The following STARD13 variants were observed in gnomAD, a reference collection of about 807,000 sequenced individuals.
STARD13 encodes the protein StAR related lipid transfer domain containing 13, also known as stAR-related lipid transfer protein 13.
Under a neutral mutation model 106.4 loss-of-function variants are expected in STARD13, and 62 were observed. The observed-to-expected ratio is 0.58, with a 90% CI of 0.48 to 0.72. The LOEUF (loss-of-function observed/expected upper bound fraction) is 0.72, where lower values mean the gene tolerates loss of function less well. Among genes scored for constraint, STARD13 ranks in the 30% least tolerant of loss-of-function variants. The pLI, the probability that STARD13 is intolerant of heterozygous loss-of-function variation, is 0.00. For synonymous variants in STARD13, 565 were observed against 553.0 expected (o/e 1.02, Z -0.31); for missense variants, 1,387 against 1,424.0 (o/e 0.97, Z 0.42).
At chr13:33,597,188 G>A in the STARD13 span, among the ~76,000 whole-genome samples, 1 of 152,028 alleles carries the variant, frequency 6.6e-6, no homozygotes, top group Non-Finnish European at 1.5e-5. Context: ...CTGCATCCTT[G>A]TCAGCATTTC....
intron 1 of STARD13, among the ~76,000 whole-genome samples, chr13:33,219,713 G>A (rs1474878055): frequency 1.3e-5 from 2 of 149,578 alleles, no homozygotes; most frequent in African/African-American, 4.9e-5. Flanking sequence ...GCCAAGGCAG[G>A]AGGATCTTGA....
the STARD13 span, among the ~76,000 whole-genome samples, chr13:33,447,624 A>C: frequency 1.3e-5 from 2 of 152,226 alleles, no homozygotes; most frequent in African/African-American, 4.8e-5. Flanking sequence ...AACATATGTC[A>C]TATGACTTTT....
the STARD13 span, among the ~76,000 whole-genome samples, chr13:33,489,951 A>G: frequency 1.3e-5 from 2 of 152,226 alleles, no homozygotes; most frequent in African/African-American, 4.8e-5. Flanking sequence ...GAAAAAAATC[A>G]AATGGATCGA....
the STARD13 span, among the ~76,000 whole-genome samples, chr13:33,385,850 CAA>C: frequency 2.0e-5 from 1 of 49,500 alleles, no homozygotes; most frequent in Non-Finnish European, 4.7e-5. Context: ...GACTCTGTCT[CAA>C]AAAAAAAAAA....
the STARD13 span, among the ~76,000 whole-genome samples, chr13:33,564,931 T>A: frequency 7.2e-6 from 1 of 138,366 alleles, no homozygotes; most frequent in Non-Finnish European, 1.5e-5. Flanking sequence ...AGGTGGAGGT[T>A]GCAGTGAGCC....
At chr13:33,212,865 T>G (rs1229294220) in intron 1 of STARD13, among the ~76,000 whole-genome samples, 2 of 152,226 alleles carry the variant, frequency 1.3e-5, no homozygotes, top group Non-Finnish European at 2.9e-5. Context: ...TTACCTTTCC[T>G]TATAAAATGA....
intron 7 of STARD13, among the ~76,000 whole-genome samples, chr13:33,122,734 C>G (rs1364759953): frequency 6.6e-6 from 1 of 152,092 alleles, no homozygotes; most frequent in Non-Finnish European, 1.5e-5. Context: ...TTTCTGTTGT[C>G]TTTCACCTAA....
chr13:33,146,512 G>T (rs1243188970), intron 3 of STARD13, among the ~76,000 whole-genome samples: 1 of 152,144 alleles, frequency 6.6e-6, no homozygotes, highest in Non-Finnish European at 1.5e-5. Context: ...TGTCACGATT[G>T]TGGTGATAGT....
chr13:33,637,246 C>T, the STARD13 span, among the ~76,000 whole-genome samples: 1 of 152,160 alleles, frequency 6.6e-6, no homozygotes, highest in Non-Finnish European at 1.5e-5. Flanking sequence ...GAGAGTGTGA[C>T]TTCTCTGGCC....
intron 1 of STARD13, among the ~76,000 whole-genome samples, chr13:33,325,871 G>A (rs1290599174): frequency 6.6e-6 from 1 of 151,638 alleles, no homozygotes; most frequent in Non-Finnish European, 1.5e-5. Context: ...TGTAGTCCCA[G>A]CTACTTGGGA....
the STARD13 span, among the ~76,000 whole-genome samples, chr13:33,425,805 T>C: frequency 4.6e-5 from 7 of 152,328 alleles, no homozygotes; most frequent in South Asian, 1.2e-3. Context: ...AGTTTGCTCA[T>C]AACTTTGTGA....
chr13:33,244,835 A>G (rs1391936403), intron 1 of STARD13, among the ~76,000 whole-genome samples: 1 of 152,232 alleles, frequency 6.6e-6, no homozygotes, highest in Non-Finnish European at 1.5e-5. Flanking sequence ...TCAACAGCTG[A>G]GCCCTGACCA....
intron 3 of STARD13, among the ~76,000 whole-genome samples, chr13:33,156,138 T>C (rs2764606): frequency 0.77 from 117,011 of 152,192 alleles, 45,276 homozygotes; most frequent in African/African-American, 0.85. Flanking sequence ...ATGGCGGTTC[T>C]GGATTAACAA....
At chr13:33,440,270 CAAAA>C in the STARD13 span, among the ~76,000 whole-genome samples, 1 of 63,550 alleles carries the variant, frequency 1.6e-5, no homozygotes, top group African/African-American at 5.2e-5. Flanking sequence ...CAGAACGAGG[CAAAA>C]AAAAAAAAAA....
At chr13:33,551,568 C>CTTT in the STARD13 span, among the ~76,000 whole-genome samples, 2 of 44,794 alleles carry the variant, frequency 4.5e-5, 1 homozygote. Flanking sequence ...TTTGCTTTTC[C>CTTT]CTTTTTTTTT....
At chr13:33,607,304 T>C in the STARD13 span, among the ~76,000 whole-genome samples, 1 of 151,340 alleles carries the variant, frequency 6.6e-6, no homozygotes, top group Non-Finnish European at 1.5e-5. Flanking sequence ...TGTTTCTTTT[T>C]TTTTTTTTTT....
chr13:33,392,297 T>G, the STARD13 span, among the ~76,000 whole-genome samples: 1 of 152,150 alleles, frequency 6.6e-6, no homozygotes, highest in African/African-American at 2.4e-5. Context: ...TGGGAAAATA[T>G]TATAGAGGAT....
the STARD13 span, among the ~76,000 whole-genome samples, chr13:33,573,489 T>C: frequency 6.6e-6 from 1 of 152,204 alleles, no homozygotes; most frequent in Non-Finnish European, 1.5e-5. Context: ...CTAGGGATCC[T>C]GGTGGACTAG....
intron 1 of STARD13, among the ~76,000 whole-genome samples, chr13:33,300,046 A>G (rs1892652215): frequency 1.3e-5 from 2 of 152,240 alleles, no homozygotes; most frequent in South Asian, 4.1e-4. Flanking sequence ...TATGATTTCA[A>G]GAACACCTAG....
Sources: gnomAD v4.1 joint callset for allele counts (sites outside exome capture counted in the v4.1 genomes callset) on GRCh38, gnomAD v4.1.1 for gene constraint, MANE v1.5 for transcripts, NCBI Gene and HGNC (gene_info 2026-07-23, HGNC 2026-07-21) for gene names.